SERGEF: variants seen among roughly 807,000 people sequenced by gnomAD.
SERGEF encodes the protein secretion-regulating guanine nucleotide exchange factor.
Under a neutral mutation model 50.0 loss-of-function variants are expected in SERGEF, and 51 were observed. The observed-to-expected ratio is 1.02, with a 90% confidence interval of 0.81 to 1.29. The LOEUF is 1.29. SERGEF is among the 50% of genes most tolerant of loss of function. The pLI, the probability that SERGEF is intolerant of heterozygous loss-of-function variation, is 0.00. For synonymous variants in SERGEF, 205 were observed against 212.4 expected, an observed-to-expected ratio of 0.97 and a Z score of 0.30; for missense variants, 521 against 557.0, an observed-to-expected ratio of 0.94 and a Z score of 0.65.
chr11:17,846,282 G>A lies in SERGEF; in HGVS notation c.1048+31926C>T, dbSNP rs528047641. Among the ~76,000 whole-genome samples the A allele has an allele frequency of 9.2e-5, 14 of 152,330 alleles. No individual in the cohort carries two copies. In the South Asian group the frequency reaches 2.9e-3, roughly 32 times the overall value. ...GTCCACCTGTGTATCGCCAATGAGT[G>A]CCTTGCAATTTGCCACAGCTCTGCA... On this transcript the variant is annotated intron_variant, in intron 10 of 10. Transcript: ENST00000265965.
chr11:17,902,971 C>A (rs1246401716), intron 9 of SERGEF, among the ~76,000 whole-genome samples: 1 of 152,190 alleles, frequency 6.6e-6, no homozygotes, highest in Non-Finnish European at 1.5e-5. Flanking sequence ...CAAAGAGAAT[C>A]CAGAGAGTTG....
At chr11:17,920,910 T>A (rs1193129368) in intron 9 of SERGEF, among the ~76,000 whole-genome samples, 1 of 152,256 alleles carries the variant, frequency 6.6e-6, no homozygotes, top group Non-Finnish European at 1.5e-5. Flanking sequence ...TTTCTAATTT[T>A]TCCAGCTGCC....
chr11:17,894,642 G>A (rs1249256613), intron 9 of SERGEF, among the ~76,000 whole-genome samples: 2 of 152,150 alleles, frequency 1.3e-5, no homozygotes, highest in Non-Finnish European at 2.9e-5. Flanking sequence ...AGGTCTTAAT[G>A]AGATGTTTGT....
chr11:17,829,622 C>T (rs139600285), intron 10 of SERGEF, among the ~76,000 whole-genome samples: 47 of 152,172 alleles, frequency 3.1e-4, no homozygotes, highest in Non-Finnish European at 5.4e-4. Flanking sequence ...CAATCCTCTC[C>T]CCACACCACC....
intron 9 of SERGEF, among the ~76,000 whole-genome samples, chr11:17,879,456 T>C (rs927034228): frequency 5.9e-5 from 9 of 152,300 alleles, no homozygotes; most frequent in African/African-American, 1.9e-4. Context: ...GATGGAGGCT[T>C]GGGAGGGAGA....
chr11:17,835,183 C>CA (rs1457137037), intron 10 of SERGEF, among the ~76,000 whole-genome samples: 1 of 152,148 alleles, frequency 6.6e-6, no homozygotes, highest in Non-Finnish European at 1.5e-5. Flanking sequence ...ATACAAGCCA[C>CA]AAAAAGATGC....
Position 17,992,950 on chromosome 11 carries a change from G to A in SERGEF, c.666C>T (p.Asp222=). ...SKAMCVLAGS[D]HSASLTDAGE... The stretch of plus-strand genomic sequence containing the variant: ...ACCTACCTGTTAATGAAGCTGAGTG[G>A]TCTGAGCCAGCAAGAACACACATTG... The change falls in exon 7 of 11, where the codon GAC becomes GAT. Residue 222 remains aspartate (D), a synonymous_variant. Coordinates refer to ENST00000265965, the MANE Select transcript of SERGEF (RefSeq NM_012139.4). The A allele has an allele frequency of 3.7e-6, 6 of 1,614,124 alleles. No homozygotes were observed. The African/African-American group carries it at 4.0e-5, about 11-fold the overall frequency.
intron 8 of SERGEF, among the ~76,000 whole-genome samples, chr11:17,980,012 C>A (rs1206023797): frequency 6.6e-6 from 1 of 152,180 alleles, no homozygotes; most frequent in African/African-American, 2.4e-5. Context: ...AACTTCTACT[C>A]CAATTCACCC....
At chr11:17,904,333 C>T (rs1851800830) in intron 9 of SERGEF, among the ~76,000 whole-genome samples, 2 of 152,168 alleles carry the variant, frequency 1.3e-5, no homozygotes, top group African/African-American at 4.8e-5. Context: ...CTAAAGTCTA[C>T]TCTTAAGATA....
chr11:18,000,516 C>A lies in SERGEF; in HGVS notation c.489G>T (p.Arg163Ser). 1.3e-6 allele frequency: 2 copies of A among 1,585,378 alleles called. No homozygotes were observed. Among genetic ancestry groups the A allele is most frequent in the African/African-American group, 1.4e-5 (1 of 73,034 alleles). The change falls in exon 5 of 11, where the codon AGG (arginine) becomes AGT (serine). Residue 163 changes from arginine to serine, a missense_variant. Coordinates refer to ENST00000265965, the MANE Select transcript of SERGEF (RefSeq NM_012139.4). The part of the protein sequence containing the change: ...EKVVCIAAGL[R>S]HAVAATASGI... ...GATCACCTGTAGCAGCTACTGCATG[C>A]CTCAGTCCAGCAGCAATACAAACAA...
chr11:17,798,649 A>G (rs1384129955), intron 10 of SERGEF, among the ~76,000 whole-genome samples: 6 of 152,232 alleles, frequency 3.9e-5, no homozygotes, highest in Non-Finnish European at 8.8e-5. Flanking sequence ...TGTTTTATAA[A>G]CAACTGAAAT....
intron 9 of SERGEF, among the ~76,000 whole-genome samples, chr11:17,939,138 CAGAAA>C (rs1186811111): frequency 2.0e-5 from 3 of 151,976 alleles, no homozygotes; most frequent in Admixed American, 1.3e-4. Context: ...TTCATATTAT[CAGAAA>C]AGAAATGTTA....
At chr11:18,004,017 T>A (rs1457581127) in intron 4 of SERGEF, among the ~76,000 whole-genome samples, 1 of 152,250 alleles carries the variant, frequency 6.6e-6, no homozygotes, top group East Asian at 1.9e-4. Flanking sequence ...ATAGGGCTAC[T>A]AGAAAATTTT....
chr11:17,855,803 T>G lies in SERGEF; in HGVS notation c.1048+22405A>C, dbSNP rs575392879. On this transcript the variant is annotated intron_variant, in intron 10 of 10. Transcript: ENST00000265965. Reference sequence around the variant, plus strand: ...GGCCTGGGCTGAGTGGTGGGAGATCTGCTTTCTTAGTCTGCCTGGGCAGGT... The same window carrying G: ...GGCCTGGGCTGAGTGGTGGGAGATCGGCTTTCTTAGTCTGCCTGGGCAGGT... The G allele has an allele frequency of 3.3e-5, 5 of 152,418 alleles. No homozygotes were observed. In the East Asian group the frequency reaches 9.6e-4, roughly 29 times the overall value. The allele number at this position is 152,418 out of a possible 1,614,324, so 9.4% of individuals were successfully genotyped here. A position where few individuals can be genotyped will look rare whatever the true frequency, so the allele number is the denominator to read the frequency against.
intron 8 of SERGEF, among the ~76,000 whole-genome samples, chr11:17,963,006 A>G (rs1263984175): frequency 6.6e-6 from 1 of 151,762 alleles, no homozygotes; most frequent in African/African-American, 2.4e-5. Flanking sequence ...ACATGGTGAA[A>G]CCCCGTCTCT....
chr11:17,899,576 A>T (rs566954241), intron 9 of SERGEF, among the ~76,000 whole-genome samples: 2 of 152,340 alleles, frequency 1.3e-5, no homozygotes, highest in African/African-American at 4.8e-5. Context: ...AGCAGCAACA[A>T]CAGGAATATG....
intron 10 of SERGEF, among the ~76,000 whole-genome samples, chr11:17,803,273 C>A (rs1473848220): frequency 6.6e-6 from 1 of 152,244 alleles, no homozygotes; most frequent in Non-Finnish European, 1.5e-5. Flanking sequence ...ACTCTAGGAT[C>A]AACCCTGTCC....
intron 10 of SERGEF, among the ~76,000 whole-genome samples, chr11:17,812,158 G>A (rs1338743884): frequency 6.6e-6 from 1 of 152,146 alleles, no homozygotes; most frequent in Non-Finnish European, 1.5e-5. Context: ...CCATGGCAAC[G>A]AGCTGACAGA....
chr11:17,884,820 T>C lies in SERGEF; in HGVS notation c.1012-6576A>G, dbSNP rs182526622. ...TAGGTTCTGCTATCTTCCAGAGAAG[T>C]TGGGGTGAGAAGAAGAGAGCTAAAG... On this transcript the variant is annotated intron_variant, in intron 9 of 10. Transcript: ENST00000265965. The surrounding 1 kb of genome is among the most constrained non-coding windows in gnomAD (Gnocchi z 4.6). 1.1e-4 allele frequency among the ~76,000 whole-genome samples: 17 copies of C among 152,278 alleles called. No homozygotes were observed. The highest frequency in any genetic ancestry group is 1.9e-4 in the Non-Finnish European group (13 of 68,028).
Sources: allele counts gnomAD v4.1 joint callset (sites outside exome capture counted in the v4.1 genomes callset), GRCh38; gene constraint gnomAD v4.1.1; non-coding constraint Gnocchi (gnomAD v3.1); transcripts MANE v1.5; gene names NCBI Gene and HGNC (gene_info 2026-07-23, HGNC 2026-07-21).